FKBP6: variants seen among roughly 807,000 people sequenced by gnomAD.
The protein encoded by FKBP6 is inactive peptidyl-prolyl cis-trans isomerase FKBP6.
A neutral mutation model predicts 41.7 loss-of-function variants in FKBP6; 29 were observed. The ratio of observed to expected loss-of-function variants is 0.70; its 90% confidence interval spans 0.52 to 0.95. The LOEUF (loss-of-function observed/expected upper bound fraction) is 0.95, where lower values mean the gene tolerates loss of function less well. FKBP6 is among the 40% of genes least tolerant of loss of function. FKBP6 has a pLI of 0.00. For synonymous variants in FKBP6, 130 were observed against 165.1 expected (o/e 0.79, Z 1.63); for missense variants, 338 against 408.7 (o/e 0.83, Z 1.49).
chr7:73,350,162 T>C (rs1460462277), intron 8 of FKBP6, among the ~76,000 whole-genome samples: 25 of 152,224 alleles, frequency 1.6e-4, no homozygotes, highest in Admixed American at 1.6e-3. Context: ...GGTACTGGCA[T>C]ATTACTAGAA....
chr7:73,352,874 G>T (rs978490987), intron 8 of FKBP6, among the ~76,000 whole-genome samples: 1 of 152,096 alleles, frequency 6.6e-6, no homozygotes, highest in Non-Finnish European at 1.5e-5. Flanking sequence ...AGACAGAGGG[G>T]CATCTCCAGG....
At chr7:73,329,230 T>C (rs1563309120) in intron 2 of FKBP6, 130 bp from the exon 3 acceptor site, 1 of 776,916 alleles carries the variant, frequency 1.3e-6, no homozygotes, top group South Asian at 1.4e-5. Context: ...GATTTATTCC[T>C]GTACCTCGGG....
intron 8 of FKBP6, among the ~76,000 whole-genome samples, chr7:73,355,316 T>C (rs1261522886): frequency 1.3e-5 from 2 of 152,238 alleles, no homozygotes; most frequent in African/African-American, 4.8e-5. Context: ...TTTTTCTGAC[T>C]TTGCACCTCT....
chr7:73,333,857 A>G (rs1350894893), intron 5 of FKBP6, among the ~76,000 whole-genome samples: 1 of 152,300 alleles, frequency 6.6e-6, no homozygotes, highest in East Asian at 1.9e-4. Flanking sequence ...GGATCACCTG[A>G]GGTCAGGAGT....
At chr7:73,341,789 A>G (rs567053500) in intron 7 of FKBP6, among the ~76,000 whole-genome samples, 1 of 151,518 alleles carries the variant, frequency 6.6e-6, no homozygotes, top group South Asian at 2.1e-4. Flanking sequence ...TCAGCCTCCA[A>G]GGTAGCTGGG....
intron 5 of FKBP6, among the ~76,000 whole-genome samples, chr7:73,337,557 G>A (rs182283540): frequency 1.3e-5 from 2 of 151,846 alleles, no homozygotes; most frequent in Non-Finnish European, 2.9e-5. Context: ...CAGGTGATCC[G>A]CCCGCCTCGG....
intron 5 of FKBP6, 55 bp downstream of exon 5, chr7:73,331,831 T>A: frequency 6.5e-7 from 1 of 1,549,752 alleles, no homozygotes; most frequent in Non-Finnish European, 8.9e-7. Flanking sequence ...CTTCCTTGTT[T>A]AAAAAACACA....
chr7:73,333,345 C>T (rs149796899), intron 5 of FKBP6, among the ~76,000 whole-genome samples: 75 of 152,172 alleles, frequency 4.9e-4, no homozygotes, highest in African/African-American at 1.8e-3. Flanking sequence ...CAAATGTTGC[C>T]GACCCTGTCA....
At chr7:73,342,359 G>T (rs1805216540) in intron 7 of FKBP6, among the ~76,000 whole-genome samples, 1 of 152,194 alleles carries the variant, frequency 6.6e-6, no homozygotes, top group South Asian at 2.1e-4. Context: ...GTTAAAGCTT[G>T]CTTGGCATTA....
chr7:73,349,323 C>T (rs1205485878), intron 8 of FKBP6, among the ~76,000 whole-genome samples: 2 of 151,558 alleles, frequency 1.3e-5, no homozygotes, highest in African/African-American at 4.9e-5. Context: ...GTAGGAGAAT[C>T]GCTTGAACCC....
intron 5 of FKBP6, among the ~76,000 whole-genome samples, chr7:73,337,356 C>T (rs996135110): frequency 6.7e-6 from 1 of 149,810 alleles, no homozygotes; most frequent in African/African-American, 2.5e-5. Flanking sequence ...CTCTATCACC[C>T]AGGCTGGAGT....
chr7:73,330,128 C>A (rs782297576), intron 3 of FKBP6, 22 bp from the exon 4 acceptor site: 1 of 1,597,076 alleles, frequency 6.3e-7, no homozygotes, highest in Non-Finnish European at 8.6e-7. Context: ...GCTTCACCCA[C>A]CTTCTTTGTC....
At chr7:73,336,614 AT>A in intron 5 of FKBP6, 3 of 323,682 alleles carry the variant, frequency 9.3e-6, no homozygotes, top group South Asian at 7.0e-5. Flanking sequence ...TGGGAGGAAT[AT>A]TTACAGCATA....
intron 8 of FKBP6, among the ~76,000 whole-genome samples, chr7:73,344,457 C>T (rs1374655810): frequency 6.6e-6 from 1 of 152,234 alleles, no homozygotes; most frequent in Non-Finnish European, 1.5e-5. Context: ...ACTGCTGTCA[C>T]AGTTGTGATA....
chr7:73,348,366 C>T lies in FKBP6; in HGVS notation c.*2+5467C>T, dbSNP rs80339283. On this transcript the variant is annotated intron_variant, in intron 8 of 8. Transcript: ENST00000252037. ...TACTAAGATTCCCCGATGTGCTCAA[C>T]GTCTGGCTTTAACAATTACCAAGGT... 6.4e-3 allele frequency among the ~76,000 whole-genome samples: 980 copies of T among 152,268 alleles called. 12 individuals are homozygous for T. The highest frequency in any genetic ancestry group is 0.022 in the African/African-American group (935 of 41,564).
At chr7:73,338,557 G>A (rs1293298024) in intron 5 of FKBP6, among the ~76,000 whole-genome samples, 1 of 152,220 alleles carries the variant, frequency 6.6e-6, no homozygotes, top group Non-Finnish European at 1.5e-5. Context: ...CTGCCAAACT[G>A]CTTCCTACAG....
chr7:73,350,648 A>G (rs1805464004), intron 8 of FKBP6, among the ~76,000 whole-genome samples: 1 of 152,026 alleles, frequency 6.6e-6, no homozygotes, highest in Admixed American at 6.6e-5. Context: ...ACTAAAAACA[A>G]TGTTTTCTGG....
At chr7:73,343,678 C>T (rs543077939) in intron 8 of FKBP6, among the ~76,000 whole-genome samples, 46 of 152,254 alleles carry the variant, frequency 3.0e-4, no homozygotes, top group Middle Eastern at 3.4e-3. Flanking sequence ...GGCGGGAGTT[C>T]CCAAGCACAT....
chr7:73,331,925 G>T, intron 5 of FKBP6, 149 bp downstream of exon 5: 2 of 742,740 alleles, frequency 2.7e-6, no homozygotes, highest in South Asian at 2.9e-5. Context: ...GTGCAGTGGC[G>T]CAATCTCAGC....
Sources: allele counts gnomAD v4.1 joint callset (sites outside exome capture counted in the v4.1 genomes callset), GRCh38; gene constraint gnomAD v4.1.1; transcripts MANE v1.5; gene names NCBI Gene and HGNC (gene_info 2026-07-23, HGNC 2026-07-21).